Variants in JAK1 observed in about 807,000 individuals in gnomAD.
The protein encoded by JAK1 is tyrosine-protein kinase JAK1.
A neutral mutation model predicts 136.6 loss-of-function variants in JAK1; 16 were observed. The observed-to-expected ratio is 0.12, with a 90% CI of 0.08 to 0.18. The LOEUF is 0.18. Ranked by LOEUF, JAK1 falls within the 10% of genes least tolerant of loss-of-function variation. JAK1 has a pLI of 1.00. For missense variants in JAK1, 859 were observed against 1,450.1 expected, an observed-to-expected ratio of 0.59 and a Z score of 6.62; for synonymous variants, 492 against 519.5, an observed-to-expected ratio of 0.95 and a Z score of 0.72.
intron 1 of JAK1, among the ~76,000 whole-genome samples, chr1:65,059,330 T>A (rs961306754): frequency 6.6e-6 from 1 of 152,240 alleles, no homozygotes; most frequent in Non-Finnish European, 1.5e-5. Context: ...TAAAAACATT[T>A]ACTTTTTGTT....
chr1:65,014,739 C>T (rs557500056), intron 2 of JAK1, among the ~76,000 whole-genome samples: 2 of 150,784 alleles, frequency 1.3e-5, no homozygotes, highest in Non-Finnish European at 2.9e-5. Context: ...GGCTGGAGTG[C>T]AGTGGCGCGA....
At chr1:64,923,037 T>C (rs1472948553) in intron 1 of JAK1, among the ~76,000 whole-genome samples, 1 of 152,244 alleles carries the variant, frequency 6.6e-6, no homozygotes, top group Non-Finnish European at 1.5e-5. Flanking sequence ...CAAGCCAATG[T>C]GACTCTGTGG....
In JAK1 at chr1:65,067,432, C is replaced by T. The variant is rs983430693; in HGVS notation, c.-181+172G>A. On this transcript the variant is annotated intron_variant, in intron 1 of 25. Coordinates refer to the JAK1 transcript ENST00000671954. ...GGCTCCGACGCGCCGCGAGACGGGG[C>T]CGGGAGCGCAGCAGCCAGCGCTCCA... Among the ~76,000 whole-genome samples, 66 of 148,368 alleles carry T rather than the reference C, an allele frequency of 4.4e-4. 2 individuals are homozygous for T. In the East Asian group the frequency reaches 0.013, roughly 29 times the overall value.
chr1:64,861,396 G>C (rs1261468121), intron 8 of JAK1, among the ~76,000 whole-genome samples: 1 of 152,120 alleles, frequency 6.6e-6, no homozygotes, highest in African/African-American at 2.4e-5. Context: ...TTTCCATCAA[G>C]GAAGGTGTTC....
intron 7 of JAK1, 56 bp from the exon 8 acceptor site, chr1:64,865,028 T>C: frequency 7.0e-7 from 1 of 1,434,880 alleles, no homozygotes; most frequent in South Asian, 1.2e-5. Context: ...TTTCTATTGG[T>C]AAAAGGTCAG....
intron 2 of JAK1, among the ~76,000 whole-genome samples, chr1:65,028,980 G>T (rs989177943): frequency 6.6e-6 from 1 of 152,256 alleles, no homozygotes; most frequent in African/African-American, 2.4e-5. Context: ...CAAAGTAAAA[G>T]AATCATTACA....
intron 1 of JAK1, among the ~76,000 whole-genome samples, chr1:64,919,048 G>A (rs1645449281): frequency 6.6e-6 from 1 of 151,994 alleles, no homozygotes; most frequent in African/African-American, 2.4e-5. Flanking sequence ...TTAAGTTCTA[G>A]GGTACATGTG....
chr1:65,012,943 T>C lies in JAK1; in HGVS notation c.-78+31537A>G, dbSNP rs369067142. 1.2e-4 allele frequency among the ~76,000 whole-genome samples: 18 copies of C among 149,934 alleles called. 1 individual carries two copies. Among genetic ancestry groups the C allele is most frequent in the Admixed American group, 3.3e-4 (5 of 14,976 alleles). ...CCCATCTCTACTAAAAATACAAAAC[T>C]GGTTTAGCTGGGCGTGGTGGCGAGC... is the stretch of plus-strand genomic sequence containing the variant. On this transcript the variant is annotated intron_variant, in intron 2 of 25. Transcript: ENST00000671954.
intron 1 of JAK1, among the ~76,000 whole-genome samples, chr1:64,903,964 A>G (rs981194848): frequency 6.6e-6 from 1 of 152,210 alleles, no homozygotes; most frequent in African/African-American, 2.4e-5. Flanking sequence ...GTTCCTTGAG[A>G]GCAAAAACAA....
intron 1 of JAK1, among the ~76,000 whole-genome samples, chr1:64,930,038 G>A (rs1271985313): frequency 2.6e-5 from 4 of 152,048 alleles, no homozygotes; most frequent in Admixed American, 6.6e-5. Flanking sequence ...AACTCAAGAC[G>A]GATTAAAGAC....
chr1:64,993,023 C>A (rs1023740325), intron 2 of JAK1: 3 of 151,856 alleles, frequency 2.0e-5, no homozygotes, highest in African/African-American at 7.3e-5. Context: ...ACTAGTTGGC[C>A]TTTTCACAAT....
rs1190203570 is a variant in JAK1 at position 64,984,514 on chromosome 1, A to G, written c.-78+59966T>C. ...AGAAAGGAATCAAGTAGCAGCATTC[A>G]GAAGCAGCCCTGGGTTCATCCTTAT... On this transcript the variant is annotated intron_variant, in intron 2 of 25. Transcript: ENST00000671954. This position sits in a 1 kb window ranked among gnomAD's most constrained non-coding sequence, Gnocchi z 4.1. The G allele has an allele frequency of 1.1e-5, 3 of 284,762 alleles. No individual in the cohort carries two copies. Among genetic ancestry groups the G allele is most frequent in the Non-Finnish European group, 2.2e-5 (3 of 137,162 alleles). 17.6% of individuals were successfully genotyped at this position (284,762 alleles called of 1,614,324 possible).
At position 64,833,299 on chromosome 1, in the gene JAK1, C is replaced by CAGAG; in HGVS notation, c.*1259_*1262dup. ...ATATAGAGTGGCCACAGGTTTGACA[C>CAGAG]AGAGACCTTGGTGATGTAGGCTATG... On this transcript the variant is annotated 3_prime_UTR_variant, in exon 25 of 25. Coordinates refer to ENST00000342505, the MANE Select transcript of JAK1 (RefSeq NM_002227.4). 1 of 232,366 alleles carries CAGAG rather than the reference C, an allele frequency of 4.3e-6. No homozygotes were observed. Among genetic ancestry groups the CAGAG allele is most frequent in the East Asian group, 6.1e-5 (1 of 16,430 alleles). The allele number at this position is 232,366 out of a possible 1,614,324, so 14.4% of individuals were successfully genotyped here.
At chr1:64,936,705 T>C (rs1466226678) in intron 1 of JAK1, among the ~76,000 whole-genome samples, 1 of 152,178 alleles carries the variant, frequency 6.6e-6, no homozygotes, top group African/African-American at 2.4e-5. Context: ...CACTAGGACC[T>C]ACCTACCTCA....
At chr1:64,960,243 G>A (rs1451548929) in intron 1 of JAK1, among the ~76,000 whole-genome samples, 1 of 152,138 alleles carries the variant, frequency 6.6e-6, no homozygotes, top group South Asian at 2.1e-4. Context: ...AAAATAAAAT[G>A]TAAAAATAGC....
Position 64,844,910 on chromosome 1 carries a change from G to C in JAK1, c.2116-21C>G. ...TCCTCCTGCAGAGTAAAAAGGTCAA[G>C]TTTAGCCAAGCTGCTCCTTCCCGCA... On this transcript the variant is annotated intron_variant, in intron 15 of 24. Transcript: ENST00000342505. This position sits in a 1 kb window ranked among gnomAD's most constrained non-coding sequence, Gnocchi z 5.7. 6.2e-7 allele frequency: 1 copy of C among 1,614,086 alleles called. No homozygotes were observed. The highest frequency in any genetic ancestry group is 8.5e-7 in the Non-Finnish European group (1 of 1,179,960).
chr1:65,059,877 T>A lies in JAK1; in HGVS notation c.-181+7727A>T, dbSNP rs145290264. On this transcript the variant is annotated intron_variant, in intron 1 of 25. Coordinates refer to the JAK1 transcript ENST00000671954. ...AGCACTGTACTTCAAATAAGTCAGGTAGATGAATCAATTCTTTAGATCAGC... is the reference window on the plus strand; with the variant it reads ...AGCACTGTACTTCAAATAAGTCAGGAAGATGAATCAATTCTTTAGATCAGC... 7.2e-3 allele frequency among the ~76,000 whole-genome samples: 1,101 copies of A among 152,312 alleles called. 14 individuals carry two copies. The highest frequency in any genetic ancestry group is 0.026 in the African/African-American group (1,064 of 41,578).
rs184106912 is a variant in JAK1, at chr1:64,895,439, A to T, written c.-77-9098T>A. 2.4e-3 allele frequency among the ~76,000 whole-genome samples: 362 copies of T among 152,318 alleles called. 1 individual carries two copies. The highest frequency in any genetic ancestry group is 4.0e-3 in the Non-Finnish European group (275 of 68,028). On this transcript the variant is annotated intron_variant, in intron 1 of 24. Transcript: ENST00000342505. ...TAAAGGACCCAACAAGGTTACTACT[A>T]ATCAAATTTACCTTATTTTTGTTTT...
chr1:64,871,809 C>G (rs921199231), intron 5 of JAK1, among the ~76,000 whole-genome samples: 3 of 152,238 alleles, frequency 2.0e-5, no homozygotes, highest in Admixed American at 6.5e-5. Flanking sequence ...AGGATCATTG[C>G]TGCAGACTCT....
Sources: gnomAD v4.1 joint callset for allele counts (sites outside exome capture counted in the v4.1 genomes callset) on GRCh38, gnomAD v4.1.1 for gene constraint, Gnocchi (gnomAD v3.1) non-coding constraint, MANE v1.5 for transcripts, NCBI Gene and HGNC (gene_info 2026-07-23, HGNC 2026-07-21) for gene names.